The following MACF1 variants were observed in gnomAD, a reference collection of about 807,000 sequenced individuals.
MACF1 encodes microtubule-actin cross-linking factor 1.
In MACF1, 193 loss-of-function variants were observed where a neutral mutation model predicts 854.8. The ratio of observed to expected loss-of-function variants is 0.23; its 90% CI spans 0.20 to 0.25. The LOEUF is 0.25. Among genes scored for constraint, MACF1 ranks in the 10% least tolerant of loss-of-function variants. The pLI, the probability that MACF1 is intolerant of heterozygous loss-of-function variation, is 1.00. For synonymous variants in MACF1, 3,185 were observed against 3,226.7 expected (o/e 0.99, Z 0.44); for missense variants, 7,722 against 8,929.1 (o/e 0.86, Z 5.45).
chr1:39,232,516 A>G (rs1012265845), intron 2 of MACF1, among the ~76,000 whole-genome samples: 6 of 151,974 alleles, frequency 3.9e-5, no homozygotes, highest in African/African-American at 7.3e-5. Flanking sequence ...TGACTCTTCC[A>G]TGATGGTGTT....
chr1:39,427,391 A>G (rs1169177701), intron 61 of MACF1, 64 bp from the exon 62 acceptor site: 2 of 1,382,558 alleles, frequency 1.4e-6, no homozygotes, highest in African/African-American at 2.9e-5. Context: ...TACTGAGTAT[A>G]GTACTATTAC....
chr1:39,466,231 T>G (rs1644665013), intron 95 of MACF1, among the ~76,000 whole-genome samples: 1 of 152,148 alleles, frequency 6.6e-6, no homozygotes, highest in African/African-American at 2.4e-5. Flanking sequence ...TTAGGACTCT[T>G]ATTTGTTCTT....
chr1:39,412,827 A>G (rs763212123), intron 58 of MACF1: 1 of 1,612,412 alleles, frequency 6.2e-7, no homozygotes, highest in Non-Finnish European at 8.5e-7. Flanking sequence ...TGCCCAGCCC[A>G]GAGGAGGGTA....
intron 2 of MACF1, among the ~76,000 whole-genome samples, chr1:39,087,615 C>G (rs1426749114): frequency 6.6e-6 from 1 of 152,196 alleles, no homozygotes; most frequent in Non-Finnish European, 1.5e-5. Flanking sequence ...ATGAAAGTGT[C>G]TTGTTTCGGT....
At chr1:39,329,721 G>T (rs1346444819) in intron 36 of MACF1, among the ~76,000 whole-genome samples, 1 of 152,138 alleles carries the variant, frequency 6.6e-6, no homozygotes, top group Non-Finnish European at 1.5e-5. Context: ...TGTTGTAAGT[G>T]GTTAAACACT....
intron 6 of MACF1, among the ~76,000 whole-genome samples, chr1:39,278,903 C>T (rs1394045551): frequency 6.6e-6 from 1 of 152,176 alleles, no homozygotes; most frequent in East Asian, 1.9e-4. Flanking sequence ...AGTAAACTGA[C>T]TCACACTGAT....
intron 45 of MACF1, among the ~76,000 whole-genome samples, chr1:39,358,327 G>T (rs1163650774): frequency 1.3e-5 from 2 of 152,150 alleles, no homozygotes; most frequent in Non-Finnish European, 2.9e-5. Flanking sequence ...CTAAAGTTTA[G>T]AATCCAGTCA....
At chr1:39,195,723 C>A (rs1644310748) in intron 2 of MACF1, among the ~76,000 whole-genome samples, 1 of 151,962 alleles carries the variant, frequency 6.6e-6, no homozygotes, top group African/African-American at 2.4e-5. Context: ...TATTGTGAAG[C>A]CAGAGAGTTT....
chr1:39,455,134 C>T (rs759891353), intron 89 of MACF1, 37 bp downstream of exon 89: 62 of 1,596,270 alleles, frequency 3.9e-5, no homozygotes, highest in Middle Eastern at 1.7e-4. Context: ...TGGTGTTTTC[C>T]GTGTTGGGCA....
upstream of MACF1, among the ~76,000 whole-genome samples, chr1:39,203,704 C>T (rs190989915): frequency 1.3e-5 from 2 of 151,696 alleles, no homozygotes; most frequent in East Asian, 3.9e-4. Flanking sequence ...GGTATGTAGC[C>T]TTTTGTGTTT....
chr1:39,452,716 G>A lies in MACF1; in HGVS notation c.20646G>A (p.Leu6882=), dbSNP rs146732157. 3.3e-5 allele frequency: 54 copies of A among 1,613,548 alleles called. No individual in the cohort carries two copies. Among genetic ancestry groups the A allele is most frequent in the Non-Finnish European group, 4.4e-5 (52 of 1,180,026 alleles). ...AEVFRDTVHM[L]LEWLSEAEQT... ...TGTTTCGAGACACAGTCCACATGCT[G>A]TTGGAGTGGCTTTCTGAAGCAGAGC... Residue 6882 remains leucine, a synonymous_variant, in exon 87 of 101, where the codon CTG becomes CTA. Transcript: ENST00000564288.
At position 39,340,549 on chromosome 1, in the gene MACF1, G is replaced by C. The variant is rs1421992201; in HGVS notation, c.10263G>C (p.Glu3421Asp). ...ATCTGACCACCTTGGTCAGTCAGGA[G>C]CTGGAGTGTGTGAATCAGATTATCA... is the stretch of plus-strand genomic sequence containing the variant. ...LKDLTTLVSQ[E>D]LECVNQIIIS... Residue 3421 changes from glutamate to aspartate, a missense_variant, in exon 39 of 101, where the codon GAG becomes GAC. Around this residue, in one of 15 missense-constraint regions of MACF1, gnomAD observed 854 missense variants for 852.6 expected, o/e 1.00. Transcript: ENST00000564288. The C allele has an allele frequency of 6.2e-7, 1 of 1,614,048 alleles. No individual in the cohort carries two copies. The highest frequency in any genetic ancestry group is 1.7e-5 in the Admixed American group (1 of 60,022).
intron 2 of MACF1, among the ~76,000 whole-genome samples, chr1:39,192,477 G>A (rs1644267167): frequency 6.6e-6 from 1 of 152,162 alleles, no homozygotes. Flanking sequence ...CCAACTTTAT[G>A]GTGATAATGT....
chr1:39,090,756 T>C (rs1641781774), intron 2 of MACF1, among the ~76,000 whole-genome samples: 1 of 152,190 alleles, frequency 6.6e-6, no homozygotes, highest in Admixed American at 6.5e-5. Flanking sequence ...TCTCATGGGC[T>C]CAGGGGTTAG....
chr1:39,484,546 T>C, intron 99 of MACF1, 55 bp from the exon 100 acceptor site: 2 of 1,546,926 alleles, frequency 1.3e-6, no homozygotes, highest in South Asian at 1.2e-5. Context: ...TAAAGTTGAA[T>C]TTCTGGCAAA....
At position 39,440,076 on chromosome 1, in the gene MACF1, T is replaced by TTTTTCTTTTCTTTTC. The variant is rs752417043; in HGVS notation, c.18447+601_18447+615dup. 2.4e-4 allele frequency among the ~76,000 whole-genome samples: 31 copies of TTTTTCTTTTCTTTTC among 127,788 alleles called. 1 individual carries two copies. The highest frequency in any genetic ancestry group is 4.4e-3 in the Middle Eastern group (1 of 228). 83.8% of individuals were successfully genotyped at this position (127,788 alleles called of 152,430 possible). A position where few individuals can be genotyped will look rare whatever the true frequency, so the allele number is the denominator to read the frequency against. On this transcript the variant is annotated intron_variant, in intron 72 of 100. Coordinates refer to ENST00000564288, the MANE Select transcript of MACF1 (RefSeq NM_001394062.1). ...TACTTTTTTCTAGTTTTTGGTGCTA[T>TTTTTCTTTTCTTTTC]TTTTCTTTTCTTTTCTTTTCTTTTC... is the stretch of plus-strand genomic sequence containing the variant.
At chr1:39,162,726 A>T (rs928615914) in intron 2 of MACF1, among the ~76,000 whole-genome samples, 1 of 152,178 alleles carries the variant, frequency 6.6e-6, no homozygotes, top group Non-Finnish European at 1.5e-5. Flanking sequence ...TTTACTTTAC[A>T]AGATGTTGTG....
intron 2 of MACF1, among the ~76,000 whole-genome samples, chr1:39,190,641 C>T (rs1644244799): frequency 6.6e-6 from 1 of 151,832 alleles, no homozygotes; most frequent in African/African-American, 2.4e-5. Flanking sequence ...CTTGTGCTGT[C>T]TCTCTTTTTC....
intron 81 of MACF1, 40 bp downstream of exon 81, chr1:39,447,627 A>T (rs376369574): frequency 2.5e-6 from 4 of 1,613,560 alleles, no homozygotes. Flanking sequence ...TTTTGAAAGC[A>T]CTAATTGAAA....
Sources: gnomAD v4.1 joint callset for allele counts (sites outside exome capture counted in the v4.1 genomes callset) on GRCh38, gnomAD v4.1.1 for gene constraint, gnomAD v4.1.1 regional missense constraint, MANE v1.5 for transcripts, NCBI Gene and HGNC (gene_info 2026-07-23, HGNC 2026-07-21) for gene names.